SEMA6D: variants seen among roughly 807,000 people sequenced by gnomAD.
The protein encoded by SEMA6D is semaphorin 6D.
In SEMA6D, 35 loss-of-function variants were observed where a neutral mutation model predicts 106.6. That is an observed-to-expected ratio of 0.33 (90% confidence interval 0.25 to 0.44). The LOEUF is 0.44. Ranked by LOEUF, SEMA6D falls within the 20% of genes least tolerant of loss-of-function variation. The pLI, the probability that SEMA6D is intolerant of heterozygous loss-of-function variation, is 1.00. For synonymous variants in SEMA6D, 499 were observed against 487.7 expected, an observed-to-expected ratio of 1.02 and a Z score of -0.31; for missense variants, 1,185 against 1,345.9, an observed-to-expected ratio of 0.88 and a Z score of 1.87.
chr15:47,553,537 A>G (rs1049200574), intron 3 of SEMA6D, among the ~76,000 whole-genome samples: 4 of 152,192 alleles, frequency 2.6e-5, no homozygotes, highest in South Asian at 2.1e-4. Context: ...TTTAAAGGCT[A>G]CTGATGTATT....
intron 4 of SEMA6D, among the ~76,000 whole-genome samples, chr15:47,639,818 C>T (rs1308593818): frequency 6.6e-6 from 1 of 152,108 alleles, no homozygotes; most frequent in Non-Finnish European, 1.5e-5. Context: ...AATGAGCACT[C>T]CTCAAAAACT....
chr15:47,584,504 T>A (rs2076304533), intron 3 of SEMA6D, among the ~76,000 whole-genome samples: 1 of 152,116 alleles, frequency 6.6e-6, no homozygotes, highest in Non-Finnish European at 1.5e-5. Context: ...TGGCTCTGCC[T>A]GATTTATTCA....
At chr15:47,658,142 G>A (rs1198844926) in intron 4 of SEMA6D, among the ~76,000 whole-genome samples, 1 of 152,046 alleles carries the variant, frequency 6.6e-6, no homozygotes, top group Non-Finnish European at 1.5e-5. Context: ...TGCAAATGAA[G>A]TTTTATTCTT....
intron 1 of SEMA6D, among the ~76,000 whole-genome samples, chr15:47,251,907 ATTTTTTTT>A (rs994788645): frequency 3.7e-5 from 3 of 81,996 alleles, no homozygotes; most frequent in African/African-American, 1.6e-4. Context: ...TTCTAATTGG[ATTTTTTTT>A]TTTTTTTTTT....
chr15:47,665,638 C>T (rs1292355635), intron 4 of SEMA6D, among the ~76,000 whole-genome samples: 2 of 152,062 alleles, frequency 1.3e-5, no homozygotes, highest in Non-Finnish European at 2.9e-5. Context: ...GGTGAAATCC[C>T]GTCTCTACTA....
chr15:47,547,378 T>C (rs1222977716), intron 3 of SEMA6D, among the ~76,000 whole-genome samples: 2 of 152,176 alleles, frequency 1.3e-5, no homozygotes, highest in African/African-American at 4.8e-5. Flanking sequence ...TAGCTTTATA[T>C]AGCCTAAAGC....
intron 3 of SEMA6D, among the ~76,000 whole-genome samples, chr15:47,523,989 G>A (rs1406312730): frequency 6.6e-6 from 1 of 152,186 alleles, no homozygotes; most frequent in Non-Finnish European, 1.5e-5. Flanking sequence ...AACACCCTCG[G>A]CAGAGGACAG....
chr15:47,512,879 C>G (rs12438351), intron 3 of SEMA6D, among the ~76,000 whole-genome samples: 37,848 of 152,038 alleles, frequency 0.25, 5,400 homozygotes, highest in East Asian at 0.47. Flanking sequence ...GGTCCTAGAT[C>G]CTGGGGCAGG....
chr15:47,686,653 A>G (rs1276476662), intron 4 of SEMA6D, among the ~76,000 whole-genome samples: 3 of 152,182 alleles, frequency 2.0e-5, no homozygotes, highest in Admixed American at 6.5e-5. Flanking sequence ...GGGCCCTCCA[A>G]CACTCCAATC....
Position 47,664,681 on chromosome 15 carries a change from G to A in SEMA6D, c.-55+63785G>A, listed in dbSNP as rs572947419. On this transcript the variant is annotated intron_variant, in intron 4 of 19. Coordinates refer to the SEMA6D transcript ENST00000558014. ...CTGCCTCCCTTTTCCTTCCTGCCCCGTGTGTACCTCTCCTGTCCTCTTCAC... is the reference window on the plus strand; with the variant it reads ...CTGCCTCCCTTTTCCTTCCTGCCCCATGTGTACCTCTCCTGTCCTCTTCAC... 7.9e-5 allele frequency among the ~76,000 whole-genome samples: 12 copies of A among 152,218 alleles called. No individual in the cohort carries two copies. In the South Asian group the frequency reaches 8.3e-4, roughly 11 times the overall value.
At chr15:47,238,386 C>A (rs1467618312) in intron 1 of SEMA6D, among the ~76,000 whole-genome samples, 1 of 152,044 alleles carries the variant, frequency 6.6e-6, no homozygotes, top group African/African-American at 2.4e-5. Context: ...CCTTTATGTC[C>A]TTTGATTTGA....
At chr15:47,535,122 A>G (rs759253673) in intron 3 of SEMA6D, among the ~76,000 whole-genome samples, 3 of 148,354 alleles carry the variant, frequency 2.0e-5, no homozygotes, top group Non-Finnish European at 4.5e-5. Context: ...AAAAAACACA[A>G]AAAACAACAA....
intron 4 of SEMA6D, among the ~76,000 whole-genome samples, chr15:47,681,250 T>G (rs1596615425): frequency 2.0e-5 from 3 of 152,176 alleles, no homozygotes; most frequent in African/African-American, 7.2e-5. Context: ...GTACATACAT[T>G]GAGATATTAT....
At chr15:47,269,980 C>T (rs1172990373) in intron 1 of SEMA6D, among the ~76,000 whole-genome samples, 1 of 151,682 alleles carries the variant, frequency 6.6e-6, no homozygotes, top group South Asian at 2.1e-4. Flanking sequence ...GAATTAACAT[C>T]ATAATAATAC....
At chr15:47,322,443 T>C (rs1256766396) in intron 1 of SEMA6D, among the ~76,000 whole-genome samples, 2 of 152,154 alleles carry the variant, frequency 1.3e-5, no homozygotes, top group Non-Finnish European at 2.9e-5. Flanking sequence ...AGATATTTTG[T>C]ACAATATCTA....
intron 1 of SEMA6D, among the ~76,000 whole-genome samples, chr15:47,340,266 T>C (rs563511690): frequency 6.6e-6 from 1 of 151,802 alleles, no homozygotes; most frequent in East Asian, 1.9e-4. Context: ...TTGAGGAGAA[T>C]GGAGAGTGAG....
At chr15:47,214,002 G>A (rs2030317033) in intron 1 of SEMA6D, among the ~76,000 whole-genome samples, 1 of 152,084 alleles carries the variant, frequency 6.6e-6, no homozygotes, top group African/African-American at 2.4e-5. Flanking sequence ...TGGCATGCTG[G>A]TGGTGGCTCG....
chr15:47,550,965 A>G lies in SEMA6D; in HGVS notation c.-86-49900A>G, dbSNP rs150255095. Reference sequence around the variant, plus strand: ...CACATTTGCCATAAAATAGGCATAAATTCCCCATAACAGCATAATAAAAAT... The same window carrying G: ...CACATTTGCCATAAAATAGGCATAAGTTCCCCATAACAGCATAATAAAAAT... On this transcript the variant is annotated intron_variant, in intron 3 of 19. Coordinates refer to the SEMA6D transcript ENST00000558014. 1.5e-4 allele frequency among the ~76,000 whole-genome samples: 23 copies of G among 152,334 alleles called. No homozygotes were observed. The East Asian group carries it at 4.4e-3, about 29-fold the overall frequency.
intron 3 of SEMA6D, among the ~76,000 whole-genome samples, chr15:47,567,439 A>G (rs1057040526): frequency 6.6e-6 from 1 of 152,240 alleles, no homozygotes; most frequent in Non-Finnish European, 1.5e-5. Context: ...TGATTTTACT[A>G]GTTAATGTTC....
Sources: gnomAD v4.1 joint callset for allele counts (sites outside exome capture counted in the v4.1 genomes callset) on GRCh38, gnomAD v4.1.1 for gene constraint, MANE v1.5 for transcripts, NCBI Gene and HGNC (gene_info 2026-07-23, HGNC 2026-07-21) for gene names.